The following HAO2 variants were observed in gnomAD, a reference collection of about 807,000 sequenced individuals.
HAO2 encodes the protein 2-Hydroxyacid oxidase 2.
A neutral mutation model predicts 37.4 loss-of-function variants in HAO2; 42 were observed. That is an observed-to-expected ratio of 1.12 (90% CI 0.88 to 1.45). HAO2 has a LOEUF of 1.45. Ranked by LOEUF, HAO2 falls within the 40% of genes most tolerant of loss-of-function variation. The pLI, the probability that HAO2 is intolerant of heterozygous loss-of-function variation, is 0.00. For synonymous variants in HAO2, 180 were observed against 162.8 expected (o/e 1.11, Z -0.81); for missense variants, 476 against 430.2 (o/e 1.11, Z -0.94).
intron 5 of HAO2, among the ~76,000 whole-genome samples, chr1:119,389,170 A>ATATATATATAT (rs1557855935): frequency 1.2e-4 from 12 of 96,548 alleles, no homozygotes; most frequent in Non-Finnish European, 2.2e-4. Context: ...ATATATATAC[A>ATATATATATAT]CCACAGTTTC....
chr1:119,389,251 T>C (rs1379704887), intron 5 of HAO2, among the ~76,000 whole-genome samples: 6 of 144,114 alleles, frequency 4.2e-5, no homozygotes, highest in African/African-American at 1.5e-4. Context: ...TCTGCTGCTA[T>C]AAACATGCGT....
chr1:119,393,458 T>A (rs1651071443), intron 7 of HAO2, among the ~76,000 whole-genome samples: 1 of 152,172 alleles, frequency 6.6e-6, no homozygotes. Flanking sequence ...AGATACTTCC[T>A]ATATCCCTGA....
At position 119,386,743 on chromosome 1, in the gene HAO2, A is replaced by G; in HGVS notation, c.683A>G (p.Glu228Gly). The G allele has an allele frequency of 2.5e-6, 4 of 1,613,642 alleles. No individual in the cohort carries two copies. Among genetic ancestry groups the G allele is most frequent in the Non-Finnish European group, 3.4e-6 (4 of 1,179,564 alleles). The stretch of plus-strand genomic sequence containing the variant: ...ATCCTGAAAGGGATTTTGACAAAAG[A>G]GGATGCAGAGTTAGCTGTGAAGCAC... ...PIILKGILTK[E>G]DAELAVKHNV... is the part of the protein sequence containing the mutation. Residue 228 changes from glutamate to glycine, a missense_variant, in exon 5 of 8, where the codon GAG (glutamate) becomes GGG (glycine). By Grantham distance (98) the Glu-to-Gly change is moderately conservative. Coordinates refer to ENST00000325945, the MANE Select transcript of HAO2 (RefSeq NM_016527.4).
chr1:119,380,998 T>C, intron 1 of HAO2, 80 bp from the exon 2 acceptor site: 1 of 1,205,146 alleles, frequency 8.3e-7, no homozygotes, highest in Non-Finnish European at 1.2e-6. Context: ...AATTTCATAC[T>C]GCAGCTTCCC....
chr1:119,385,969 T>A (rs1477637953), intron 4 of HAO2: 23 of 805,352 alleles, frequency 2.9e-5, no homozygotes, highest in Non-Finnish European at 3.0e-5. Context: ...ACATATCACA[T>A]TGACCAATAA....
intron 1 of HAO2, among the ~76,000 whole-genome samples, chr1:119,380,144 TG>T (rs1649798908): frequency 6.6e-6 from 1 of 152,210 alleles, no homozygotes; most frequent in Non-Finnish European, 1.5e-5. Flanking sequence ...AATCCTCTCA[TG>T]CAGGAGCTCT....
In HAO2 at chr1:119,385,359, A is replaced by G. The variant is rs72991404; in HGVS notation, c.561+306A>G. On this transcript the variant is annotated intron_variant, in intron 4 of 7. Coordinates refer to ENST00000325945, the MANE Select transcript of HAO2 (RefSeq NM_016527.4). Reference sequence around the variant, plus strand: ...AGCCACGGAAAATATTTTTGCACGAACTGGAGAGTAAACTAAAAAAGTTCA... The same window carrying G: ...AGCCACGGAAAATATTTTTGCACGAGCTGGAGAGTAAACTAAAAAAGTTCA... 3.9e-4 allele frequency: 385 copies of G among 984,674 alleles called. 1 individual carries two copies. In the African/African-American group the frequency reaches 4.6e-3, roughly 12 times the overall value. 61.0% of individuals were successfully genotyped at this position (984,674 alleles called of 1,614,324 possible). A position where few individuals can be genotyped will look rare whatever the true frequency, so the allele number is the denominator to read the frequency against.
At chr1:119,372,641 G>A (rs371519042) in intron 1 of HAO2, among the ~76,000 whole-genome samples, 2 of 152,176 alleles carry the variant, frequency 1.3e-5, no homozygotes, top group Admixed American at 6.5e-5. Flanking sequence ...GTGACAGGCC[G>A]TACCTCTTGT....
At chr1:119,384,492 A>T (rs587645897) in intron 3 of HAO2, among the ~76,000 whole-genome samples, 1 of 152,270 alleles carries the variant, frequency 6.6e-6, no homozygotes, top group East Asian at 1.9e-4. Flanking sequence ...CTATAACACA[A>T]CCAACATGAT....
chr1:119,372,995 T>C (rs1649157515), intron 1 of HAO2, among the ~76,000 whole-genome samples: 2 of 152,298 alleles, frequency 1.3e-5, no homozygotes, highest in Middle Eastern at 3.4e-3. Flanking sequence ...CTATCATGGA[T>C]TAAGCTGAAA....
At chr1:119,380,721 A>G (rs376979646) in intron 1 of HAO2, 53 of 1,593,002 alleles carry the variant, frequency 3.3e-5, no homozygotes, top group Non-Finnish European at 4.5e-5. Context: ...AGTGAATGTG[A>G]AGGCAAGATA....
chr1:119,383,683 T>A (rs998977150), intron 3 of HAO2, among the ~76,000 whole-genome samples: 8 of 149,274 alleles, frequency 5.4e-5, no homozygotes, highest in African/African-American at 1.2e-4. Context: ...ATAATAATAA[T>A]AAATAGAAAA....
At position 119,381,216 on chromosome 1, in the gene HAO2, G is replaced by A; in HGVS notation, c.131G>A (p.Arg44Lys). The A allele has an allele frequency of 6.2e-7, 1 of 1,608,290 alleles. No individual in the cohort carries two copies. The highest frequency in any genetic ancestry group is 8.5e-7 in the Non-Finnish European group (1 of 1,174,732). The change falls in exon 2 of 8, where the codon AGA (arginine) becomes AAA (lysine). Residue 44 changes from arginine to lysine, a missense_variant and splice_region_variant. By Grantham distance (26) the Arg-to-Lys change is conservative. Transcript: ENST00000325945. ...TRDDNIAAFK[R>K]IRLRPRYLRD... ...GATGACAACATTGCAGCATTTAAAA[G>A]GTGTGGTCTTCTGTAGCCTGTCTAT...
At chr1:119,391,883 T>C (rs1330396591) in intron 5 of HAO2, among the ~76,000 whole-genome samples, 3 of 152,128 alleles carry the variant, frequency 2.0e-5, no homozygotes, top group Non-Finnish European at 1.5e-5. Flanking sequence ...GACAGTTAAG[T>C]GAGTCAGAGA....
At chr1:119,378,470 T>C (rs916392988) in intron 1 of HAO2, among the ~76,000 whole-genome samples, 2 of 152,182 alleles carry the variant, frequency 1.3e-5, no homozygotes, top group African/African-American at 4.8e-5. Flanking sequence ...TCAGTCTCTT[T>C]AAATGCAAAG....
At chr1:119,385,565 C>T in intron 4 of HAO2, 1 of 966,184 alleles carries the variant, frequency 1.0e-6, no homozygotes, top group Middle Eastern at 5.3e-4. Flanking sequence ...ACACATAGAG[C>T]TCATTTGTGG....
At chr1:119,383,473 A>T (rs1431166806) in intron 3 of HAO2, among the ~76,000 whole-genome samples, 6 of 152,142 alleles carry the variant, frequency 3.9e-5, no homozygotes, top group Non-Finnish European at 7.4e-5. Context: ...GGATGAGGAG[A>T]GAATCACGAC....
chr1:119,383,102 G>A, intron 3 of HAO2, 36 bp downstream of exon 3: 1 of 1,546,482 alleles, frequency 6.5e-7, no homozygotes. Context: ...TCCTTTCCGG[G>A]AGGAGGTGTC....
At chr1:119,379,397 C>T (rs1649738286) in intron 1 of HAO2, among the ~76,000 whole-genome samples, 1 of 152,156 alleles carries the variant, frequency 6.6e-6, no homozygotes, top group African/African-American at 2.4e-5. Flanking sequence ...CAGACACCAA[C>T]CAAGGTCCAA....
Sources: gnomAD v4.1 joint callset for allele counts (sites outside exome capture counted in the v4.1 genomes callset) on GRCh38, gnomAD v4.1.1 for gene constraint, MANE v1.5 for transcripts, NCBI Gene and HGNC (gene_info 2026-07-23, HGNC 2026-07-21) for gene names.